B3GALT1: variants seen among roughly 807,000 people sequenced by gnomAD.
The protein encoded by B3GALT1 is UDP-Gal:betaGlcNAc beta 1,3-galactosyltransferase, polypeptide 1.
B3GALT1 carries 10 observed loss-of-function variants against 23.2 expected under a neutral mutation model. The observed-to-expected ratio is 0.43, with a 90% CI of 0.27 to 0.73. The LOEUF is 0.73. Ranked by LOEUF, B3GALT1 falls within the 30% of genes least tolerant of loss-of-function variation. The probability of loss-of-function intolerance (pLI) is 0.21; values close to 1 mark genes in which losing one functional copy is unlikely to be tolerated. For missense variants in B3GALT1, 299 were observed against 405.4 expected, an observed-to-expected ratio of 0.74 and a Z score of 2.25; for synonymous variants, 156 against 141.5, an observed-to-expected ratio of 1.10 and a Z score of -0.73.
chr2:167,446,484 G>C (rs533956920), intron 1 of B3GALT1, among the ~76,000 whole-genome samples: 13 of 152,232 alleles, frequency 8.5e-5, no homozygotes, highest in Non-Finnish European at 1.6e-4. Flanking sequence ...CATTCTCCCT[G>C]TCACTCTCAG....
chr2:167,643,636 T>G (rs1685693172), intron 2 of B3GALT1, among the ~76,000 whole-genome samples: 2 of 152,100 alleles, frequency 1.3e-5, no homozygotes, highest in Admixed American at 1.3e-4. Flanking sequence ...TTTCCCATAG[T>G]CATCATGCTA....
chr2:167,364,530 A>G (rs1228835706), intron 1 of B3GALT1, among the ~76,000 whole-genome samples: 1 of 151,806 alleles, frequency 6.6e-6, no homozygotes, highest in African/African-American at 2.4e-5. Context: ...GATGTTCCCC[A>G]GCCTGTGTCC....
intron 3 of B3GALT1, among the ~76,000 whole-genome samples, chr2:167,769,049 T>C (rs1443184800): frequency 1.3e-5 from 2 of 152,166 alleles, no homozygotes; most frequent in South Asian, 2.1e-4. Context: ...AATTTTTCTA[T>C]TGAATCTATC....
intron 2 of B3GALT1, among the ~76,000 whole-genome samples, chr2:167,519,308 A>C (rs1453194149): frequency 6.6e-6 from 1 of 152,222 alleles, no homozygotes; most frequent in Non-Finnish European, 1.5e-5. Context: ...CTGCTAGAAC[A>C]ATTATTAAGA....
At chr2:167,838,489 T>C (rs1689546150) in intron 4 of B3GALT1, among the ~76,000 whole-genome samples, 1 of 152,290 alleles carries the variant, frequency 6.6e-6, no homozygotes. Flanking sequence ...AGAAGTTGAA[T>C]CTCTGAATAG....
chr2:167,409,941 G>A (rs1020789382), intron 1 of B3GALT1, among the ~76,000 whole-genome samples: 4 of 151,920 alleles, frequency 2.6e-5, no homozygotes, highest in African/African-American at 9.7e-5. Flanking sequence ...ATACCCAAAG[G>A]ATGATAAATC....
intron 4 of B3GALT1, among the ~76,000 whole-genome samples, chr2:167,827,489 C>A (rs1412594918): frequency 2.0e-5 from 3 of 152,176 alleles, no homozygotes; most frequent in Non-Finnish European, 4.4e-5. Context: ...CTAGGTGAGA[C>A]TGAATGGGCA....
chr2:167,728,157 G>A (rs572067937), intron 3 of B3GALT1, among the ~76,000 whole-genome samples: 1 of 152,288 alleles, frequency 6.6e-6, no homozygotes, highest in Admixed American at 6.5e-5. Flanking sequence ...GAGGCCAAGG[G>A]GGAGCGGATC....
At chr2:167,782,525 C>G (rs1230742440) in intron 3 of B3GALT1, among the ~76,000 whole-genome samples, 1 of 152,192 alleles carries the variant, frequency 6.6e-6, no homozygotes, top group African/African-American at 2.4e-5. Flanking sequence ...CAATAGAAAT[C>G]TCACCTTACA....
intron 1 of B3GALT1, among the ~76,000 whole-genome samples, chr2:167,477,975 T>C (rs1019757962): frequency 6.6e-6 from 1 of 152,260 alleles, no homozygotes; most frequent in African/African-American, 2.4e-5. Context: ...GATATTTTGT[T>C]ATATTTTGGG....
At chr2:167,736,637 C>CA (rs1466666171) in intron 3 of B3GALT1, among the ~76,000 whole-genome samples, 3 of 152,206 alleles carry the variant, frequency 2.0e-5, no homozygotes, top group Non-Finnish European at 4.4e-5. Context: ...TGCAGTGGCT[C>CA]ACGCCTGGAC....
At chr2:167,508,506 C>T (rs1404261434) in intron 2 of B3GALT1, among the ~76,000 whole-genome samples, 2 of 152,056 alleles carry the variant, frequency 1.3e-5, no homozygotes, top group Non-Finnish European at 2.9e-5. Flanking sequence ...GATCCACCTG[C>T]CTCACCCTCC....
chr2:167,404,617 A>T (rs1280813865), intron 1 of B3GALT1, among the ~76,000 whole-genome samples: 1 of 152,166 alleles, frequency 6.6e-6, no homozygotes, highest in Non-Finnish European at 1.5e-5. Flanking sequence ...GTTCACTATA[A>T]TGTAAGTCCT....
chr2:167,844,327 G>A (rs1689710378), intron 4 of B3GALT1, among the ~76,000 whole-genome samples: 1 of 152,192 alleles, frequency 6.6e-6, no homozygotes, highest in Non-Finnish European at 1.5e-5. Flanking sequence ...CAGATCGACT[G>A]CAAGAACAAA....
At chr2:167,703,909 C>T (rs1823297) in intron 3 of B3GALT1, among the ~76,000 whole-genome samples, 140,455 of 152,096 alleles carry the variant, frequency 0.92, 65,691 homozygotes, top group Non-Finnish European at 1. Flanking sequence ...GGGCCCGGCG[C>T]GGTGGCTCAC....
chr2:167,583,846 A>G (rs1381264848), intron 2 of B3GALT1, among the ~76,000 whole-genome samples: 1 of 152,170 alleles, frequency 6.6e-6, no homozygotes, highest in African/African-American at 2.4e-5. Context: ...TTGGAAAAAA[A>G]CCCAGGCTGC....
chr2:167,740,661 A>C (rs1384330953), intron 3 of B3GALT1, among the ~76,000 whole-genome samples: 1 of 152,234 alleles, frequency 6.6e-6, no homozygotes, highest in Non-Finnish European at 1.5e-5. Flanking sequence ...AATGGTAGTA[A>C]GAAGCAGATG....
intron 2 of B3GALT1, among the ~76,000 whole-genome samples, chr2:167,563,810 C>T (rs1684079546): frequency 1.5e-5 from 2 of 132,588 alleles, no homozygotes; most frequent in Non-Finnish European, 3.3e-5. Flanking sequence ...CCGGAGGGAG[C>T]GGCTGGCCGG....
chr2:167,653,977 A>G (rs971365164), intron 3 of B3GALT1, among the ~76,000 whole-genome samples: 3 of 152,132 alleles, frequency 2.0e-5, no homozygotes, highest in African/African-American at 7.2e-5. Context: ...AAAGTCTTGG[A>G]TATGGCTCCA....
Sources: gnomAD v4.1 joint callset for allele counts (sites outside exome capture counted in the v4.1 genomes callset) on GRCh38, gnomAD v4.1.1 for gene constraint, MANE v1.5 for transcripts, NCBI Gene and HGNC (gene_info 2026-07-23, HGNC 2026-07-21) for gene names.